The following RSF1 variants were observed in gnomAD, a reference collection of about 807,000 sequenced individuals.
The protein encoded by RSF1 is HBV pX-associated protein 8.
RSF1 carries 13 observed loss-of-function variants against 145.2 expected under a neutral mutation model. That is an observed-to-expected ratio of 0.09 (90% CI 0.06 to 0.14). The LOEUF (loss-of-function observed/expected upper bound fraction) is 0.14, where lower values mean the gene tolerates loss of function less well. Ranked by LOEUF, RSF1 falls within the 10% of genes least tolerant of loss-of-function variation. RSF1 has a pLI of 1.00. For missense variants in RSF1, 1,517 were observed against 1,718.2 expected (o/e 0.88, Z 2.07); for synonymous variants, 577 against 592.6 (o/e 0.97, Z 0.38).
Position 77,662,094 on chromosome 11 carries a change from C to T in RSF1, c.*4823G>A, listed in dbSNP as rs1959244263. On this transcript the variant is annotated 3_prime_UTR_variant, in exon 16 of 16. Coordinates refer to ENST00000308488, the MANE Select transcript of RSF1 (RefSeq NM_016578.4). ...CCGGTTTGGCCAAAAAAGGAAAAAACAAAATTCCTTTAAAAATGTTTTTTT... is the reference window on the plus strand; with the variant it reads ...CCGGTTTGGCCAAAAAAGGAAAAAATAAAATTCCTTTAAAAATGTTTTTTT... 1 of 152,000 alleles carries T rather than the reference C, an allele frequency of 6.6e-6. No individual in the cohort carries two copies. Among genetic ancestry groups the T allele is most frequent in the African/African-American group, 2.4e-5 (1 of 41,412 alleles). 9.4% of individuals were successfully genotyped at this position (152,000 alleles called of 1,614,324 possible).
intron 7 of RSF1, 63 bp downstream of exon 7, chr11:77,698,424 C>T (rs1346890886): frequency 4.4e-6 from 6 of 1,352,042 alleles, no homozygotes; most frequent in Middle Eastern, 1.8e-4. Flanking sequence ...AAGAGTTAGG[C>T]TGCTCCAGGC....
At position 77,682,367 on chromosome 11, in the gene RSF1, T is replaced by A. The variant is rs192432594; in HGVS notation, c.3065+1343A>T. 3.3e-5 allele frequency among the ~76,000 whole-genome samples: 5 copies of A among 152,330 alleles called. No individual in the cohort carries two copies. In the East Asian group the frequency reaches 5.8e-4, roughly 18 times the overall value. Reference sequence around the variant, plus strand: ...CAGTTATTCAAGTTAAAAAACTGATTTGGTGTTATCCCAGCAGATTTTAGA... The same window carrying A: ...CAGTTATTCAAGTTAAAAAACTGATATGGTGTTATCCCAGCAGATTTTAGA... On this transcript the variant is annotated intron_variant, in intron 11 of 15. Coordinates refer to ENST00000308488, the MANE Select transcript of RSF1 (RefSeq NM_016578.4).
At chr11:77,715,721 T>C (rs1960792263) in intron 5 of RSF1, among the ~76,000 whole-genome samples, 1 of 152,230 alleles carries the variant, frequency 6.6e-6, no homozygotes, top group African/African-American at 2.4e-5. Context: ...GTGTTGGGAT[T>C]ACAGGCGTGA....
chr11:77,769,994 G>C (rs1948266263), intron 1 of RSF1, among the ~76,000 whole-genome samples: 1 of 152,146 alleles, frequency 6.6e-6, no homozygotes, highest in South Asian at 2.1e-4. Context: ...TCTTGGGGGA[G>C]CAGTTTTAGC....
At chr11:77,731,883 T>C (rs1186001625) in intron 4 of RSF1, among the ~76,000 whole-genome samples, 1 of 152,204 alleles carries the variant, frequency 6.6e-6, no homozygotes, top group African/African-American at 2.4e-5. Context: ...GGGGCCCTCA[T>C]GGAGAACCTC....
intron 7 of RSF1, among the ~76,000 whole-genome samples, chr11:77,694,531 TA>T (rs959978664): frequency 1.6e-4 from 25 of 152,350 alleles, no homozygotes; most frequent in Middle Eastern, 3.4e-3. Flanking sequence ...ATGTTTAATT[TA>T]AAAGAAAACT....
chr11:77,853,467 TTCAC>T, the RSF1 span, among the ~76,000 whole-genome samples: 3 of 151,858 alleles, frequency 2.0e-5, no homozygotes, highest in Admixed American at 1.3e-4. Flanking sequence ...CTCATGAGAA[TTCAC>T]TCACTATCAC....
At chr11:77,675,505 T>C (rs1211417274) in intron 13 of RSF1, among the ~76,000 whole-genome samples, 1 of 152,236 alleles carries the variant, frequency 6.6e-6, no homozygotes, top group Non-Finnish European at 1.5e-5. Flanking sequence ...ATGTCCCCCA[T>C]GTTAAATTCG....
the RSF1 span, among the ~76,000 whole-genome samples, chr11:77,865,516 C>G: frequency 2.6e-5 from 4 of 152,344 alleles, no homozygotes; most frequent in East Asian, 7.7e-4. Context: ...TTCTTCTGCT[C>G]ATGTTCCATT....
At chr11:77,669,072 CTACCAACT>C (rs1206222273) in intron 15 of RSF1, among the ~76,000 whole-genome samples, 2 of 152,188 alleles carry the variant, frequency 1.3e-5, no homozygotes, top group Non-Finnish European at 2.9e-5. Flanking sequence ...CCTGTGGTCT[CTACCAACT>C]TAAGTTTTTG....
Position 77,820,686 on chromosome 11 carries a change from ACCGCCGCCGCTG to A in RSF1, c.17_28del (p.Ala6_Ala9del). ...ACCCGGGCAGCCCGGAGGAGCCATC[ACCGCCGCCGCTG>A]CCGCCGCCGTCGCCATTTTGAACTG... On this transcript the variant is annotated inframe_deletion, in exon 1 of 16. Coordinates refer to ENST00000308488, the MANE Select transcript of RSF1 (RefSeq NM_016578.4). The A allele has an allele frequency of 1.9e-6, 3 of 1,551,202 alleles. No homozygotes were observed. Among genetic ancestry groups the A allele is most frequent in the Admixed American group, 3.9e-5 (2 of 50,786 alleles).
At chr11:77,717,197 C>T (rs1245679944) in intron 5 of RSF1, among the ~76,000 whole-genome samples, 2 of 123,372 alleles carry the variant, frequency 1.6e-5, no homozygotes, top group Non-Finnish European at 3.5e-5. Flanking sequence ...AAAAAAAAAA[C>T]ACCTTGCAAT....
chr11:77,809,379 G>C (rs1948709512), intron 1 of RSF1, among the ~76,000 whole-genome samples: 1 of 152,010 alleles, frequency 6.6e-6, no homozygotes, highest in Non-Finnish European at 1.5e-5. Flanking sequence ...TTGCATTTTT[G>C]TAATCTATTT....
At position 77,667,070 on chromosome 11, in the gene RSF1, A is replaced by C; in HGVS notation, c.4173T>G (p.Ser1391=). 2 of 1,614,144 alleles carry C rather than the reference A, an allele frequency of 1.2e-6. No homozygotes were observed. The highest frequency in any genetic ancestry group is 1.7e-6 in the Non-Finnish European group (2 of 1,180,018). ...ENLIGKPTEK[S]QTPKDNSTAS... is the part of the protein sequence containing the mutation. Reference sequence around the variant, plus strand: ...CTGTGCTGTTGTCCTTGGGGGTCTGAGACTTCTCAGTAGGCTTGCCAATCA... The same window carrying C: ...CTGTGCTGTTGTCCTTGGGGGTCTGCGACTTCTCAGTAGGCTTGCCAATCA... The change falls in exon 16 of 16, where the codon TCT becomes TCG. Residue 1391 remains serine (S), a synonymous_variant. Transcript: ENST00000308488.
At chr11:77,755,081 G>A (rs1209740441) in intron 2 of RSF1, among the ~76,000 whole-genome samples, 1 of 152,232 alleles carries the variant, frequency 6.6e-6, no homozygotes, top group Admixed American at 6.5e-5. Context: ...AAGGAATTAA[G>A]ATTCTATTTC....
chr11:77,749,775 G>A (rs1233335927), intron 2 of RSF1, among the ~76,000 whole-genome samples: 1 of 152,122 alleles, frequency 6.6e-6, no homozygotes, highest in Admixed American at 6.5e-5. Flanking sequence ...CTGAGACGGA[G>A]TCTCACTCTG....
the RSF1 span, among the ~76,000 whole-genome samples, chr11:77,831,335 C>T: frequency 6.6e-6 from 1 of 152,168 alleles, no homozygotes; most frequent in Admixed American, 6.5e-5. Flanking sequence ...CCAGCAGTTC[C>T]TTTCCTAGCT....
At chr11:77,682,336 C>T (rs1403237535) in intron 11 of RSF1, among the ~76,000 whole-genome samples, 1 of 152,142 alleles carries the variant, frequency 6.6e-6, no homozygotes, top group African/African-American at 2.4e-5. Flanking sequence ...CACTGTTTTC[C>T]TTTTCCAGTT....
chr11:77,761,168 T>G (rs1390092331), intron 2 of RSF1, among the ~76,000 whole-genome samples: 3 of 152,138 alleles, frequency 2.0e-5, no homozygotes, highest in African/African-American at 7.2e-5. Flanking sequence ...CTCAATCTCC[T>G]GACCTTGTGA....
Sources: gnomAD v4.1 joint callset for allele counts (sites outside exome capture counted in the v4.1 genomes callset) on GRCh38, gnomAD v4.1.1 for gene constraint, MANE v1.5 for transcripts, NCBI Gene and HGNC (gene_info 2026-07-23, HGNC 2026-07-21) for gene names.